CSMD3: variants seen among roughly 807,000 people sequenced by gnomAD.
The protein encoded by CSMD3 is CUB and sushi domain-containing protein 3.
A neutral mutation model predicts 435.2 loss-of-function variants in CSMD3; 177 were observed. The ratio of observed to expected loss-of-function variants is 0.41; its 90% CI spans 0.36 to 0.46. The LOEUF (loss-of-function observed/expected upper bound fraction) is 0.46, where lower values mean the gene tolerates loss of function less well. CSMD3 is among the 20% of genes least tolerant of loss of function. The pLI, the probability that CSMD3 is intolerant of heterozygous loss-of-function variation, is 0.34. For synonymous variants in CSMD3, 1,656 were observed against 1,520.5 expected (o/e 1.09, Z -2.07); for missense variants, 4,265 against 4,504.6 (o/e 0.95, Z 1.52).
chr8:113,097,312 G>A (rs996653170), intron 5 of CSMD3, among the ~76,000 whole-genome samples: 1 of 152,002 alleles, frequency 6.6e-6, no homozygotes, highest in African/African-American at 2.4e-5. Context: ...TACTTGTTGA[G>A]GTGCCTGCTA....
intron 12 of CSMD3, among the ~76,000 whole-genome samples, chr8:112,810,189 A>G (rs1362716365): frequency 6.6e-6 from 1 of 152,182 alleles, no homozygotes; most frequent in Admixed American, 6.5e-5. Flanking sequence ...TGATCTGCTT[A>G]TAAGTTCAAC....
intron 17 of CSMD3, among the ~76,000 whole-genome samples, chr8:112,666,035 T>C (rs2075515701): frequency 6.6e-6 from 1 of 152,086 alleles, no homozygotes; most frequent in Non-Finnish European, 1.5e-5. Flanking sequence ...ATCTTAGTAG[T>C]ACATAAAGCA....
chr8:112,656,068 G>A (rs1308691540), intron 18 of CSMD3, 86 bp downstream of exon 18: 4 of 734,472 alleles, frequency 5.4e-6, no homozygotes, highest in African/African-American at 3.5e-5. Context: ...AATAAATAGA[G>A]CTAATAGTTC....
At chr8:113,090,083 C>T (rs764996492) in intron 5 of CSMD3, among the ~76,000 whole-genome samples, 2 of 151,960 alleles carry the variant, frequency 1.3e-5, no homozygotes, top group Non-Finnish European at 2.9e-5. Flanking sequence ...TAATGTTTCG[C>T]TTTTATGCTT....
chr8:113,207,420 C>G (rs963519525), intron 3 of CSMD3, among the ~76,000 whole-genome samples: 1 of 148,578 alleles, frequency 6.7e-6, no homozygotes, highest in Non-Finnish European at 1.5e-5. Context: ...CTCGCTCTGT[C>G]ACCCAGGCTG....
rs2130079609 is a variant in CSMD3 at position 112,409,034 on chromosome 8, T to A, written c.5396-2A>T. 6.2e-7 allele frequency: 1 copy of A among 1,613,174 alleles called. No individual in the cohort carries two copies. Among genetic ancestry groups the A allele is most frequent in the Non-Finnish European group, 8.5e-7 (1 of 1,179,574 alleles). On this transcript the variant is annotated splice_acceptor_variant, in intron 32 of 70. Coordinates refer to ENST00000297405, the MANE Select transcript of CSMD3 (RefSeq NM_198123.2). LOFTEE classifies it high-confidence loss of function. ...AAAATACAAACTGGCCAAACACCAC[T>A]GATCAACAGGAACCCGGAGAAGCAA...
intron 4 of CSMD3, among the ~76,000 whole-genome samples, chr8:113,109,968 G>A (rs376333088): frequency 1.6e-4 from 24 of 152,302 alleles, no homozygotes; most frequent in African/African-American, 5.5e-4. Context: ...TGAGAAGCAC[G>A]GAAACAGAGT....
chr8:113,406,141 C>T (rs778365757), intron 1 of CSMD3, among the ~76,000 whole-genome samples: 45 of 151,706 alleles, frequency 3.0e-4, no homozygotes, highest in Admixed American at 4.6e-4. Flanking sequence ...CATATAACAG[C>T]GACACAATTT....
intron 5 of CSMD3, among the ~76,000 whole-genome samples, chr8:113,086,792 A>G (rs946588763): frequency 6.6e-6 from 1 of 152,152 alleles, no homozygotes; most frequent in Non-Finnish European, 1.5e-5. Flanking sequence ...AATTGGTACT[A>G]TGATCTGTAT....
intron 10 of CSMD3, among the ~76,000 whole-genome samples, chr8:112,883,357 G>A (rs983184422): frequency 1.3e-5 from 2 of 151,952 alleles, no homozygotes; most frequent in Non-Finnish European, 2.9e-5. Flanking sequence ...ATTAAAATAA[G>A]TAGGTTATTA....
chr8:112,434,333 T>C (rs998891835), intron 32 of CSMD3, among the ~76,000 whole-genome samples: 2 of 152,074 alleles, frequency 1.3e-5, no homozygotes, highest in Non-Finnish European at 2.9e-5. Context: ...CGAGGCAGAG[T>C]TGGCATTTAT....
At chr8:112,686,476 T>C (rs1478298339) in intron 14 of CSMD3, among the ~76,000 whole-genome samples, 1 of 151,088 alleles carries the variant, frequency 6.6e-6, no homozygotes, top group East Asian at 1.9e-4. Context: ...TCTTCCAAAG[T>C]TTTCATTACA....
intron 63 of CSMD3, among the ~76,000 whole-genome samples, chr8:112,251,610 T>C (rs1240646110): frequency 6.6e-6 from 1 of 151,836 alleles, no homozygotes. Flanking sequence ...CTAATTTCAA[T>C]TACAAACTGA....
chr8:112,933,114 G>A (rs979762613), intron 9 of CSMD3, among the ~76,000 whole-genome samples: 3 of 152,056 alleles, frequency 2.0e-5, no homozygotes, highest in African/African-American at 7.2e-5. Context: ...ACTGCAAGAT[G>A]ACCTCTGAGA....
chr8:112,464,147 A>G (rs1007941005), intron 32 of CSMD3, among the ~76,000 whole-genome samples: 3 of 151,918 alleles, frequency 2.0e-5, no homozygotes, highest in Non-Finnish European at 1.5e-5. Flanking sequence ...CTGAGGCAGA[A>G]GAATGGAGTG....
chr8:113,146,334 A>C (rs2091672528), intron 4 of CSMD3, among the ~76,000 whole-genome samples: 1 of 151,460 alleles, frequency 6.6e-6, no homozygotes, highest in African/African-American at 2.4e-5. Context: ...ATGTAATGTG[A>C]ATTGTGCCCC....
chr8:113,301,063 T>G (rs1048515126), intron 2 of CSMD3, among the ~76,000 whole-genome samples: 1 of 148,450 alleles, frequency 6.7e-6, no homozygotes, highest in African/African-American at 2.6e-5. Flanking sequence ...GGGATGTTCA[T>G]GTATGATTCA....
intron 1 of CSMD3, among the ~76,000 whole-genome samples, chr8:113,422,645 C>T (rs1298851970): frequency 6.6e-6 from 1 of 152,018 alleles, no homozygotes; most frequent in African/African-American, 2.4e-5. Context: ...TCCTAGGGAG[C>T]TGGCTTGTAG....
chr8:112,377,839 A>C (rs1829093101), intron 38 of CSMD3, among the ~76,000 whole-genome samples: 1 of 152,128 alleles, frequency 6.6e-6, no homozygotes, highest in Non-Finnish European at 1.5e-5. Flanking sequence ...GTATATAAGA[A>C]ATTTACCTCA....
Sources: gnomAD v4.1 joint callset for allele counts (sites outside exome capture counted in the v4.1 genomes callset) on GRCh38, gnomAD v4.1.1 for gene constraint, MANE v1.5 for transcripts, NCBI Gene and HGNC (gene_info 2026-07-23, HGNC 2026-07-21) for gene names.